SEMA4D: variants seen among roughly 807,000 people sequenced by gnomAD.
The protein encoded by SEMA4D is semaphorin 4D.
In SEMA4D, 22 loss-of-function variants were observed where a neutral mutation model predicts 74.8. The observed-to-expected ratio is 0.29, with a 90% CI of 0.21 to 0.42. SEMA4D has a LOEUF of 0.42. Among genes scored for constraint, SEMA4D ranks in the 10% least tolerant of loss-of-function variants. The pLI is 1.00. For missense variants in SEMA4D, 937 were observed against 1,118.4 expected (o/e 0.84, Z 2.31); for synonymous variants, 445 against 463.7 (o/e 0.96, Z 0.52).
In SEMA4D at chr9:89,402,851, C is replaced by A; in HGVS notation, c.252+20G>T. On this transcript the variant is annotated intron_variant, in intron 4 of 15. Coordinates refer to ENST00000422704, the MANE Select transcript of SEMA4D (RefSeq NM_001371194.2). ...ACTCAAGCTGGGCTATGTGGACATG[C>A]AGGGGAGCCCAGGACGTACCTCATG... The A allele has an allele frequency of 6.2e-7, 1 of 1,607,316 alleles. No individual in the cohort carries two copies. Among genetic ancestry groups the A allele is most frequent in the Non-Finnish European group, 8.5e-7 (1 of 1,174,754 alleles).
At chr9:89,475,423 G>A (rs1436576648) in intron 1 of SEMA4D, among the ~76,000 whole-genome samples, 1 of 152,218 alleles carries the variant, frequency 6.6e-6, no homozygotes, top group South Asian at 2.1e-4. Flanking sequence ...ATGGGTCACA[G>A]CCTTGGCATG....
intron 16 of SEMA4D, among the ~76,000 whole-genome samples, chr9:89,370,870 G>A (rs117191693): frequency 0.061 from 8,783 of 144,244 alleles, 380 homozygotes; most frequent in South Asian, 0.1. Context: ...GGGATGTGGC[G>A]TGTGGGGTGT....
At chr9:89,463,157 C>A (rs1483896780) in intron 1 of SEMA4D, among the ~76,000 whole-genome samples, 1 of 151,904 alleles carries the variant, frequency 6.6e-6, no homozygotes, top group African/African-American at 2.4e-5. Flanking sequence ...TGAGTTCAGA[C>A]TGGGGAATAC....
intron 2 of SEMA4D, among the ~76,000 whole-genome samples, chr9:89,424,789 A>T (rs113946052): frequency 0.016 from 2,444 of 151,966 alleles, 33 homozygotes; most frequent in Non-Finnish European, 0.024. Context: ...AGGGAATGAC[A>T]CCACATTCTA....
At chr9:89,467,903 C>T (rs984972632) in intron 1 of SEMA4D, among the ~76,000 whole-genome samples, 33 of 152,240 alleles carry the variant, frequency 2.2e-4, no homozygotes, top group African/African-American at 7.7e-4. Context: ...GCATGTCCCA[C>T]AGCCTCAGGC....
At chr9:89,479,625 T>C (rs1176147493) in intron 1 of SEMA4D, 5 of 166,198 alleles carry the variant, frequency 3.0e-5, no homozygotes, top group African/African-American at 7.2e-5. Context: ...TCAGAGTTTC[T>C]TCCTTCTGGT....
intron 2 of SEMA4D, among the ~76,000 whole-genome samples, chr9:89,410,615 C>T (rs1844318428): frequency 6.6e-6 from 1 of 152,130 alleles, no homozygotes; most frequent in Admixed American, 6.5e-5. Context: ...ATTCAGGAGT[C>T]CCACATGAAC....
chr9:89,399,115 G>A (rs10118788), intron 5 of SEMA4D, among the ~76,000 whole-genome samples, 161 bp downstream of exon 5: 1 of 152,170 alleles, frequency 6.6e-6, no homozygotes, highest in Non-Finnish European at 1.5e-5. Flanking sequence ...AGGAATAGAG[G>A]GATGAGCTCC....
chr9:89,393,559 C>T lies in SEMA4D; in HGVS notation c.508+3G>A. 1 of 1,612,950 alleles carries T rather than the reference C, an allele frequency of 6.2e-7. No homozygotes were observed. Among genetic ancestry groups the T allele is most frequent in the Non-Finnish European group, 8.5e-7 (1 of 1,178,882 alleles). Reference sequence around the variant, plus strand: ...GTGAAGGAACTGGAGGGGCAGGACTCACCAACCATGACGGATGTGTAGCTG... The same window carrying T: ...GTGAAGGAACTGGAGGGGCAGGACTTACCAACCATGACGGATGTGTAGCTG... On this transcript the variant is annotated splice_donor_region_variant and intron_variant, in intron 7 of 15. Coordinates refer to ENST00000422704, the MANE Select transcript of SEMA4D (RefSeq NM_001371194.2).
chr9:89,394,112 G>A (rs573622707), intron 6 of SEMA4D, among the ~76,000 whole-genome samples: 9 of 152,312 alleles, frequency 5.9e-5, no homozygotes, highest in East Asian at 5.8e-4. Context: ...GAATCTCTAC[G>A]TCGCTCCACC....
rs1824962943 is a variant in SEMA4D, at chr9:89,484,228, T to C, written c.-310+13691A>G. ...GGGCCGGCCAGCTTCACTGCCTGCA[T>C]GCCCTTTAGGAGCAGAACAAGCTGC... On this transcript the variant is annotated intron_variant, in intron 1 of 15. Coordinates refer to ENST00000422704, the MANE Select transcript of SEMA4D (RefSeq NM_001371194.2). This position sits in a 1 kb window ranked among gnomAD's most constrained non-coding sequence, Gnocchi z 4.1. Among the ~76,000 whole-genome samples the C allele has an allele frequency of 6.6e-6, 1 of 152,252 alleles. No individual in the cohort carries two copies. Among genetic ancestry groups the C allele is most frequent in the South Asian group, 2.1e-4 (1 of 4,832 alleles).
chr9:89,390,372 GC>G (rs1554747730), intron 9 of SEMA4D, among the ~76,000 whole-genome samples: 2 of 56,084 alleles, frequency 3.6e-5, no homozygotes, highest in Admixed American at 4.0e-4. Flanking sequence ...CTGCGGGGCT[GC>G]GGGGCAGCTG....
chr9:89,427,273 G>A (rs2134447420), intron 2 of SEMA4D, among the ~76,000 whole-genome samples: 1 of 152,274 alleles, frequency 6.6e-6, no homozygotes, highest in African/African-American at 2.4e-5. Flanking sequence ...GAAGAGGGGG[G>A]CAGCCTAAAA....
intron 2 of SEMA4D, among the ~76,000 whole-genome samples, chr9:89,428,268 C>T (rs992292094): frequency 2.6e-5 from 4 of 152,240 alleles, no homozygotes; most frequent in East Asian, 1.9e-4. Context: ...AGGCGGCCCC[C>T]GCCATGGCCC....
intron 1 of SEMA4D, among the ~76,000 whole-genome samples, chr9:89,479,176 G>C (rs993651423): frequency 6.6e-6 from 1 of 152,166 alleles, no homozygotes; most frequent in Non-Finnish European, 1.5e-5. Flanking sequence ...CCCAGAGCCA[G>C]CATCCTGGTG....
At chr9:89,452,732 C>T (rs1032368608) in intron 2 of SEMA4D, among the ~76,000 whole-genome samples, 3 of 152,192 alleles carry the variant, frequency 2.0e-5, no homozygotes, top group Middle Eastern at 3.2e-3. Flanking sequence ...GGATTATATG[C>T]GTGAGCCACC....
chr9:89,464,161 G>A (rs373896315), intron 1 of SEMA4D, among the ~76,000 whole-genome samples: 9 of 152,222 alleles, frequency 5.9e-5, no homozygotes, highest in African/African-American at 2.2e-4. Flanking sequence ...CTGTGAGCCT[G>A]TTTCTTCCTC....
In SEMA4D at chr9:89,378,682, C is replaced by T; in HGVS notation, c.*22G>A. The stretch of plus-strand genomic sequence containing the variant: ...CCTGGACACGTCGCAGCCGAGGCAC[C>T]AGCGGGGATGCACAGCCGGCCTCAG... On this transcript the variant is annotated 3_prime_UTR_variant, in exon 16 of 16. Transcript: ENST00000422704. 6 of 1,590,752 alleles carry T rather than the reference C, an allele frequency of 3.8e-6. No individual in the cohort carries two copies. Among genetic ancestry groups the T allele is most frequent in the Non-Finnish European group, 4.3e-6 (5 of 1,159,636 alleles).
chr9:89,480,594 C>G (rs922594102), intron 1 of SEMA4D, among the ~76,000 whole-genome samples: 4 of 152,256 alleles, frequency 2.6e-5, no homozygotes, highest in African/African-American at 9.6e-5. Context: ...GGTGAGAAAT[C>G]GAGCACAGCG....
Sources: allele counts gnomAD v4.1 joint callset (sites outside exome capture counted in the v4.1 genomes callset), GRCh38; gene constraint gnomAD v4.1.1; non-coding constraint Gnocchi (gnomAD v3.1); transcripts MANE v1.5; gene names NCBI Gene and HGNC (gene_info 2026-07-23, HGNC 2026-07-21).